Variants in ITK observed in about 807,000 individuals in gnomAD.
ITK encodes the protein tyrosine-protein kinase ITK/TSK.
A neutral mutation model predicts 87.6 loss-of-function variants in ITK; 45 were observed. The observed-to-expected ratio is 0.51, with a 90% CI of 0.40 to 0.66. The LOEUF (loss-of-function observed/expected upper bound fraction) is 0.66. ITK is among the 30% of genes least tolerant of loss of function. ITK has a pLI of 0.00. For synonymous variants in ITK, 303 were observed against 273.6 expected, an observed-to-expected ratio of 1.11 and a Z score of -1.06; for missense variants, 605 against 766.3, an observed-to-expected ratio of 0.79 and a Z score of 2.48.
intron 1 of ITK, among the ~76,000 whole-genome samples, chr5:157,182,098 T>C (rs901419258): frequency 1.3e-5 from 2 of 152,238 alleles, no homozygotes; most frequent in African/African-American, 4.8e-5. Flanking sequence ...TTTAGCCCTA[T>C]GCTGCAATTT....
chr5:157,186,841 G>A (rs1158772896), intron 1 of ITK, among the ~76,000 whole-genome samples: 2 of 152,128 alleles, frequency 1.3e-5, no homozygotes, highest in South Asian at 2.1e-4. Flanking sequence ...CCCTGCACCC[G>A]CTTCACCCCT....
rs774619675 is a variant in ITK at position 157,228,304 on chromosome 5, G to C, written c.656G>C (p.Gly219Ala). 1.9e-6 allele frequency: 3 copies of C among 1,594,130 alleles called. No homozygotes were observed. Among genetic ancestry groups the C allele is most frequent in the Non-Finnish European group, 2.6e-6 (3 of 1,161,974 alleles). The change falls in exon 7 of 17, where the codon GGA (glycine) becomes GCA (alanine). Residue 219 changes from glycine (G) to alanine (A), a missense_variant. Physicochemically the swap from Gly to Ala is moderately conservative, Grantham distance 60. Coordinates refer to ENST00000422843, the MANE Select transcript of ITK (RefSeq NM_005546.4). ...WRVQDRNGHEGYVPSSYLVEK... is the reference protein window; with the variant it reads ...WRVQDRNGHEAYVPSSYLVEK... ...AATTTTCCTTTTAACAGGCATGAAG[G>C]ATATGTACCAAGCAGTTATCTGGTG...
At chr5:157,244,182 G>C in intron 12 of ITK, 80 bp from the exon 13 acceptor site, 1 of 1,077,424 alleles carries the variant, frequency 9.3e-7, no homozygotes. Context: ...ATGACCATTG[G>C]CTATTTTGGT....
Position 157,252,726 on chromosome 5 carries a change from G to A in ITK, c.*48G>A. 2.9e-6 allele frequency: 4 copies of A among 1,362,960 alleles called. No individual in the cohort carries two copies. Among genetic ancestry groups the A allele is most frequent in the Non-Finnish European group, 4.2e-6 (4 of 950,868 alleles). The allele number at this position is 1,362,960 out of a possible 1,614,324, so 84.4% of individuals were successfully genotyped here. On this transcript the variant is annotated 3_prime_UTR_variant, in exon 17 of 17. Coordinates refer to ENST00000422843, the MANE Select transcript of ITK (RefSeq NM_005546.4). The stretch of plus-strand genomic sequence containing the variant: ...GGGCTGCAGATCCTGAATGGAGGAA[G>A]GATATGTCCTCATTCCATAGAGCAT...
At chr5:157,232,470 G>T in intron 8 of ITK, 76 bp downstream of exon 8, 3 of 1,050,364 alleles carry the variant, frequency 2.9e-6, no homozygotes, top group Non-Finnish European at 4.4e-6. Context: ...GAATCCCAGC[G>T]ATTTGGCAGG....
chr5:157,231,260 T>A (rs184681783), intron 7 of ITK, among the ~76,000 whole-genome samples: 1 of 152,308 alleles, frequency 6.6e-6, no homozygotes, highest in East Asian at 1.9e-4. Context: ...ATCATGACTC[T>A]CTTGCTGGCA....
At chr5:157,241,385 A>T in intron 10 of ITK, 1 of 203,920 alleles carries the variant, frequency 4.9e-6, no homozygotes, top group South Asian at 1.3e-4. Context: ...ATAGAAAAAT[A>T]TGACAAATAT....
chr5:157,243,278 T>C (rs1296043368), intron 11 of ITK, among the ~76,000 whole-genome samples: 1 of 152,204 alleles, frequency 6.6e-6, no homozygotes, highest in South Asian at 2.1e-4. Context: ...AATAGATGAA[T>C]GAATGAAAGA....
At chr5:157,221,416 G>A (rs1009850816) in intron 5 of ITK, among the ~76,000 whole-genome samples, 5 of 152,152 alleles carry the variant, frequency 3.3e-5, no homozygotes, top group African/African-American at 4.8e-5. Context: ...GGCTCAGGAT[G>A]TTCTTATATA....
intron 16 of ITK, 138 bp from the exon 17 acceptor site, chr5:157,252,469 A>C: frequency 1.4e-6 from 1 of 728,096 alleles, no homozygotes; most frequent in Non-Finnish European, 2.5e-6. Context: ...AACTAGGACA[A>C]TGTATATGGA....
At chr5:157,200,990 A>AT (rs1395456849) in intron 1 of ITK, among the ~76,000 whole-genome samples, 2 of 152,188 alleles carry the variant, frequency 1.3e-5, no homozygotes, top group Non-Finnish European at 2.9e-5. Context: ...GTGGATAACA[A>AT]TTTTTTTAAT....
rs777088703 is a variant in ITK, at chr5:157,253,855, A to C, written c.*1177A>C. The C allele has an allele frequency of 4.5e-6, 1 of 222,552 alleles. No homozygotes were observed. The allele number at this position is 222,552 out of a possible 1,614,324, so 13.8% of individuals were successfully genotyped here. On this transcript the variant is annotated 3_prime_UTR_variant, in exon 17 of 17. Transcript: ENST00000422843. ...GCTTCCAAGAGGCATGAGAGTGCCT[A>C]CTCTGGCTTGAGCACTTCTATATGC...
At chr5:157,185,617 G>C (rs1753626551) in intron 1 of ITK, among the ~76,000 whole-genome samples, 2 of 151,860 alleles carry the variant, frequency 1.3e-5, no homozygotes, top group African/African-American at 4.8e-5. Flanking sequence ...AGGCCTAGGT[G>C]GGCGGATCAC....
At chr5:157,249,032 T>A (rs777008630) in intron 16 of ITK, 25 bp downstream of exon 16, 1 of 1,607,252 alleles carries the variant, frequency 6.2e-7, no homozygotes, top group Non-Finnish European at 8.5e-7. Flanking sequence ...TGCTTCCCCA[T>A]GCATTGTCGT....
Position 157,253,910 on chromosome 5 carries a change from T to C in ITK, c.*1232T>C. 4.5e-6 allele frequency: 1 copy of C among 222,712 alleles called. No homozygotes were observed. Among genetic ancestry groups the C allele is most frequent in the East Asian group, 6.5e-5 (1 of 15,306 alleles). The allele number at this position is 222,712 out of a possible 1,614,324, so 13.8% of individuals were successfully genotyped here. On this transcript the variant is annotated 3_prime_UTR_variant, in exon 17 of 17. Transcript: ENST00000422843. ...TGAATATGTACTGAGCTAGGAGACT[T>C]CCCTGCAAAATCTCTGTTCACCCTG...
intron 1 of ITK, 107 bp from the exon 2 acceptor site, chr5:157,208,782 G>A: frequency 1.2e-6 from 1 of 801,662 alleles, no homozygotes; most frequent in Non-Finnish European, 2.1e-6. Context: ...GGTTGGAATA[G>A]GTTTAAAAAG....
chr5:157,190,858 G>A (rs944018647), intron 1 of ITK, among the ~76,000 whole-genome samples: 1 of 152,186 alleles, frequency 6.6e-6, no homozygotes, highest in Non-Finnish European at 1.5e-5. Flanking sequence ...CAAGACGAGG[G>A]GCAGAAGCCA....
At chr5:157,229,921 A>T (rs975744066) in intron 7 of ITK, among the ~76,000 whole-genome samples, 1 of 152,234 alleles carries the variant, frequency 6.6e-6, no homozygotes, top group Non-Finnish European at 1.5e-5. Flanking sequence ...TCTCAAAAAA[A>T]ATAATAGTAA....
intron 7 of ITK, among the ~76,000 whole-genome samples, chr5:157,229,791 G>A (rs971004637): frequency 1.3e-5 from 2 of 152,178 alleles, no homozygotes; most frequent in Non-Finnish European, 2.9e-5. Context: ...GCACACGCCT[G>A]TAGTCCCAGA....
Sources: gnomAD v4.1 joint callset for allele counts (sites outside exome capture counted in the v4.1 genomes callset) on GRCh38, gnomAD v4.1.1 for gene constraint, MANE v1.5 for transcripts, NCBI Gene and HGNC (gene_info 2026-07-23, HGNC 2026-07-21) for gene names.